AGMO: variants seen among roughly 807,000 people sequenced by gnomAD.
AGMO encodes the protein alkylglycerol monooxygenase.
In AGMO, 75 loss-of-function variants were observed where a neutral mutation model predicts 60.2. The observed-to-expected ratio is 1.25, with a 90% CI of 1.03 to 1.51. The LOEUF (loss-of-function observed/expected upper bound fraction) is 1.51, where lower values mean the gene tolerates loss of function less well. Among genes scored for constraint, AGMO ranks in the 40% most tolerant of loss-of-function variants. The pLI is 0.00. For synonymous variants in AGMO, 261 were observed against 177.1 expected (o/e 1.47, Z -3.76); for missense variants, 763 against 525.5 (o/e 1.45, Z -4.42).
At chr7:15,443,847 C>G (rs932247011) in intron 3 of AGMO, among the ~76,000 whole-genome samples, 1 of 152,144 alleles carries the variant, frequency 6.6e-6, no homozygotes, top group Non-Finnish European at 1.5e-5. Flanking sequence ...GTTCTCTGAG[C>G]TTTTTGAACA....
intron 8 of AGMO, 98 bp downstream of exon 8, chr7:15,390,573 T>G: frequency 1.1e-6 from 1 of 925,534 alleles, no homozygotes; most frequent in Non-Finnish European, 1.6e-6. Context: ...TTCAGGTTAG[T>G]GTAATATACT....
chr7:15,311,981 G>A (rs1472417850), intron 12 of AGMO, among the ~76,000 whole-genome samples: 1 of 152,000 alleles, frequency 6.6e-6, no homozygotes, highest in African/African-American at 2.4e-5. Flanking sequence ...AACCAAATTA[G>A]ATACACCTGA....
At chr7:15,539,348 A>G (rs1187644611) in intron 3 of AGMO, among the ~76,000 whole-genome samples, 1 of 151,952 alleles carries the variant, frequency 6.6e-6, no homozygotes, top group Non-Finnish European at 1.5e-5. Context: ...CCTAGCATCC[A>G]TGTGTTCTCG....
At chr7:15,198,668 G>C (rs1237872237), downstream of AGMO, among the ~76,000 whole-genome samples, 1 of 152,128 alleles carries the variant, frequency 6.6e-6, no homozygotes, top group Non-Finnish European at 1.5e-5. Context: ...TAGGGGGCCA[G>C]GGAATGGAGA....
intron 3 of AGMO, among the ~76,000 whole-genome samples, chr7:15,473,046 T>A (rs889001043): frequency 5.3e-5 from 8 of 151,914 alleles, no homozygotes; most frequent in South Asian, 2.1e-4. Flanking sequence ...TTCATAAATC[T>A]ATATTATAAA....
intron 12 of AGMO, among the ~76,000 whole-genome samples, chr7:15,233,103 C>CA (rs889642670): frequency 2.6e-5 from 4 of 151,592 alleles, no homozygotes; most frequent in African/African-American, 4.8e-5. Flanking sequence ...TAACTGTCCG[C>CA]AAAAAAAGGC....
At chr7:15,502,622 G>A (rs1023039023) in intron 3 of AGMO, among the ~76,000 whole-genome samples, 2 of 151,842 alleles carry the variant, frequency 1.3e-5, no homozygotes, top group Non-Finnish European at 2.9e-5. Flanking sequence ...GGGTAAATTA[G>A]TCTAAGCAAT....
intron 9 of AGMO, among the ~76,000 whole-genome samples, chr7:15,386,233 C>CAAAG (rs1177200465): frequency 1.3e-5 from 2 of 151,974 alleles, no homozygotes; most frequent in African/African-American, 4.8e-5. Context: ...AATCATGCTT[C>CAAAG]AAAGAAAAAT....
At chr7:15,507,106 G>A (rs1274530065) in intron 3 of AGMO, among the ~76,000 whole-genome samples, 2 of 151,964 alleles carry the variant, frequency 1.3e-5, no homozygotes, top group African/African-American at 4.8e-5. Context: ...AGGAAAGTGT[G>A]AGCCAAGGAT....
At chr7:15,558,142 T>C (rs1785200370) in intron 2 of AGMO, among the ~76,000 whole-genome samples, 1 of 150,088 alleles carries the variant, frequency 6.7e-6, no homozygotes, top group African/African-American at 2.5e-5. Flanking sequence ...AAAAATATTG[T>C]ATTGAGGATA....
intron 3 of AGMO, among the ~76,000 whole-genome samples, chr7:15,432,345 T>C (rs181710700): frequency 0.011 from 1,435 of 130,148 alleles, 8 homozygotes; most frequent in African/African-American, 0.02. Context: ...TATATATATA[T>C]ACATACATAT....
chr7:15,543,321 A>G lies in AGMO; in HGVS notation c.409+1451T>C, dbSNP rs576191422. Among the ~76,000 whole-genome samples, 10 of 152,284 alleles carry G rather than the reference A, an allele frequency of 6.6e-5. No individual in the cohort carries two copies. In the South Asian group the frequency reaches 2.1e-3, roughly 32 times the overall value. ...CCTCAGCCCCTACTTATCCCTGCAG[A>G]GGTTCAGACCTAGATTTGTTCCTCA... On this transcript the variant is annotated intron_variant, in intron 3 of 12. Transcript: ENST00000342526.
the AGMO span, among the ~76,000 whole-genome samples, chr7:15,129,859 G>C: frequency 6.6e-6 from 1 of 152,124 alleles, no homozygotes; most frequent in Non-Finnish European, 1.5e-5. Context: ...ACTCAATACA[G>C]CCTTGTTGTC....
chr7:15,159,767 A>T, the AGMO span, among the ~76,000 whole-genome samples: 1 of 152,186 alleles, frequency 6.6e-6, no homozygotes, highest in African/African-American at 2.4e-5. Context: ...AAAATATTTC[A>T]AAGCATACTA....
chr7:15,362,796 T>A (rs1437323589), intron 12 of AGMO, among the ~76,000 whole-genome samples: 2 of 152,206 alleles, frequency 1.3e-5, no homozygotes, highest in Admixed American at 1.3e-4. Flanking sequence ...GTTAAATTGA[T>A]AAGACATTTT....
chr7:15,520,046 T>C (rs1251277601), intron 3 of AGMO, among the ~76,000 whole-genome samples: 2 of 147,988 alleles, frequency 1.4e-5, no homozygotes, highest in Non-Finnish European at 3.0e-5. Flanking sequence ...GGGGTTGCAA[T>C]TCTAGTCTCT....
At chr7:15,191,679 T>C in the AGMO span, among the ~76,000 whole-genome samples, 4 of 152,212 alleles carry the variant, frequency 2.6e-5, no homozygotes, top group Non-Finnish European at 5.9e-5. Flanking sequence ...AGGGTCTCAA[T>C]AAATTAGCTT....
intron 10 of AGMO, among the ~76,000 whole-genome samples, chr7:15,382,682 C>T (rs1015703059): frequency 1.2e-4 from 19 of 152,208 alleles, no homozygotes; most frequent in African/African-American, 4.1e-4. Context: ...CTTTTAGAAG[C>T]GCTGCATGTT....
intron 3 of AGMO, among the ~76,000 whole-genome samples, chr7:15,501,131 T>C (rs557091416): frequency 2.0e-5 from 3 of 152,136 alleles, no homozygotes; most frequent in Admixed American, 1.3e-4. Context: ...GTATGTGCCA[T>C]GTGGTGATGA....
Sources: gnomAD v4.1 joint callset for allele counts (sites outside exome capture counted in the v4.1 genomes callset) on GRCh38, gnomAD v4.1.1 for gene constraint, MANE v1.5 for transcripts, NCBI Gene and HGNC (gene_info 2026-07-23, HGNC 2026-07-21) for gene names.